Variants in ELAPOR2 observed in about 807,000 individuals in gnomAD.
ELAPOR2 encodes the protein endosome/lysosome-associated apoptosis and autophagy regulator family member 2.
ELAPOR2 carries 89 observed loss-of-function variants against 120.7 expected under a neutral mutation model. That is an observed-to-expected ratio of 0.74 (90% confidence interval 0.62 to 0.88). The LOEUF is 0.88. Ranked by LOEUF, ELAPOR2 falls within the 40% of genes least tolerant of loss-of-function variation. ELAPOR2 has a pLI of 0.00. For missense variants in ELAPOR2, 1,134 were observed against 1,251.6 expected, an observed-to-expected ratio of 0.91 and a Z score of 1.42; for synonymous variants, 444 against 444.9, an observed-to-expected ratio of 1.00 and a Z score of 0.03.
In ELAPOR2 at chr7:87,049,384, C is replaced by T. The variant is rs1246708529; in HGVS notation, c.189+9941G>A. On this transcript the variant is annotated intron_variant, in intron 1 of 21. Transcript: ENST00000450689. Reference sequence around the variant, plus strand: ...GCAAGCTCCGCCTCCCGGGTTCACGCCATTCTCCTGCCTCAGCCTCCCGAG... The same window carrying T: ...GCAAGCTCCGCCTCCCGGGTTCACGTCATTCTCCTGCCTCAGCCTCCCGAG... Among the ~76,000 whole-genome samples the T allele has an allele frequency of 2.0e-5, 3 of 152,186 alleles. No homozygotes were observed. The East Asian group carries it at 5.8e-4, about 29-fold the overall frequency.
At chr7:86,965,074 A>G in intron 1 of ELAPOR2, 50 bp from the exon 2 acceptor site, 1 of 1,544,562 alleles carries the variant, frequency 6.5e-7, no homozygotes, top group Non-Finnish European at 8.8e-7. Flanking sequence ...TTCTAACGGG[A>G]CAACTGTGCT....
At chr7:86,963,012 C>A (rs544823851) in intron 2 of ELAPOR2, among the ~76,000 whole-genome samples, 1 of 152,096 alleles carries the variant, frequency 6.6e-6, no homozygotes, top group African/African-American at 2.4e-5. Flanking sequence ...AAGGCCAGAT[C>A]GACAAATTCC....
At chr7:86,997,447 A>G (rs1767737) in intron 1 of ELAPOR2, among the ~76,000 whole-genome samples, 57,488 of 151,966 alleles carry the variant, frequency 0.38, 11,727 homozygotes, top group African/African-American at 0.53. Flanking sequence ...AGACCTAAAG[A>G]GCCCCAGGAA....
chr7:86,922,836 G>A (rs924302780), intron 10 of ELAPOR2, among the ~76,000 whole-genome samples: 1 of 151,488 alleles, frequency 6.6e-6, no homozygotes, highest in Admixed American at 6.6e-5. Flanking sequence ...TTCTAAAAAG[G>A]AATACCAATA....
chr7:86,877,578 A>T lies in ELAPOR2; in HGVS notation c.*2893T>A, dbSNP rs1799215625. ...ATTTATTTCTATGAGGAAGAGAGAA[A>T]TTATGTACACATTAGCCTCCCATTA... On this transcript the variant is annotated 3_prime_UTR_variant, in exon 22 of 22. Transcript: ENST00000450689. 1 of 152,174 alleles carries T rather than the reference A, an allele frequency of 6.6e-6. No homozygotes were observed. The highest frequency in any genetic ancestry group is 6.6e-5 in the Admixed American group (1 of 15,254). The allele number at this position is 152,174 out of a possible 1,614,324, so 9.4% of individuals were successfully genotyped here.
At chr7:87,010,336 G>A (rs1793614982) in intron 1 of ELAPOR2, among the ~76,000 whole-genome samples, 2 of 152,154 alleles carry the variant, frequency 1.3e-5, no homozygotes, top group African/African-American at 4.8e-5. Flanking sequence ...TCCAACGTAG[G>A]AAGTGAAAAT....
In ELAPOR2 at chr7:86,905,273, CTT is replaced by C. The variant is rs61483966; in HGVS notation, c.2558+2395_2558+2396del. Among the ~76,000 whole-genome samples, 45 of 141,722 alleles carry C rather than the reference CTT, an allele frequency of 3.2e-4. 1 individual carries two copies. The highest frequency in any genetic ancestry group is 1.1e-3 in the African/African-American group (41 of 38,940). The allele number at this position is 141,722 out of a possible 152,430, so 93.0% of individuals were successfully genotyped here. ...AGCCTGAGAAACTGGGCTATGTTGACTTTTTTTTTTTTTCTGTCAGTAGGAAA... is the reference window on the plus strand; with the variant it reads ...AGCCTGAGAAACTGGGCTATGTTGACTTTTTTTTTTTCTGTCAGTAGGAAA... On this transcript the variant is annotated intron_variant, in intron 18 of 21. Transcript: ENST00000450689.
chr7:86,968,519 C>T (rs1791995563), intron 1 of ELAPOR2, among the ~76,000 whole-genome samples: 1 of 152,120 alleles, frequency 6.6e-6, no homozygotes, highest in African/African-American at 2.4e-5. Flanking sequence ...GGATAAAATA[C>T]ATTTTCATTT....
chr7:86,894,987 G>A (rs1219306359), intron 19 of ELAPOR2, among the ~76,000 whole-genome samples: 2 of 151,972 alleles, frequency 1.3e-5, no homozygotes, highest in Admixed American at 1.3e-4. Flanking sequence ...TGGAGGACTT[G>A]TATAAATTTA....
chr7:86,912,037 T>C (rs1317777260), intron 15 of ELAPOR2, 35 bp downstream of exon 15: 1 of 1,573,356 alleles, frequency 6.4e-7, no homozygotes, highest in African/African-American at 1.4e-5. Context: ...GGAGCTGAAA[T>C]ATAGGTCCAT....
chr7:86,960,101 A>G (rs1791644583), intron 2 of ELAPOR2, among the ~76,000 whole-genome samples: 1 of 152,208 alleles, frequency 6.6e-6, no homozygotes, highest in Non-Finnish European at 1.5e-5. Flanking sequence ...TAAATTTGTT[A>G]AGAATCATTT....
At chr7:86,917,295 T>C (rs775810659) in intron 12 of ELAPOR2, among the ~76,000 whole-genome samples, 5 of 152,032 alleles carry the variant, frequency 3.3e-5, no homozygotes, top group Non-Finnish European at 7.4e-5. Flanking sequence ...GGGGCATGCC[T>C]GTAAATCCAG....
chr7:86,939,605 A>C (rs1229005259), intron 6 of ELAPOR2, among the ~76,000 whole-genome samples: 1 of 152,120 alleles, frequency 6.6e-6, no homozygotes, highest in Non-Finnish European at 1.5e-5. Context: ...AGGTTTAGGA[A>C]AGAGTCAGGT....
chr7:87,032,149 A>G (rs540066569), intron 1 of ELAPOR2, among the ~76,000 whole-genome samples: 81 of 152,304 alleles, frequency 5.3e-4, no homozygotes, highest in African/African-American at 1.9e-3. Context: ...TGATCAATTT[A>G]TATACTTCAA....
At chr7:87,043,628 A>C (rs537890695) in intron 1 of ELAPOR2, among the ~76,000 whole-genome samples, 2,674 of 146,600 alleles carry the variant, frequency 0.018, 42 homozygotes, top group Non-Finnish European at 0.032. Context: ...AATAAGAGCT[A>C]TCTATGACAA....
chr7:87,057,614 T>A (rs151186541), intron 1 of ELAPOR2, among the ~76,000 whole-genome samples: 188 of 152,342 alleles, frequency 1.2e-3, no homozygotes, highest in Admixed American at 2.2e-3. Flanking sequence ...TAAGGACCTG[T>A]GATCAAGTGA....
chr7:87,018,819 C>T (rs1240661196), intron 1 of ELAPOR2, among the ~76,000 whole-genome samples: 1 of 152,202 alleles, frequency 6.6e-6, no homozygotes, highest in Non-Finnish European at 1.5e-5. Flanking sequence ...ACTTAGTGTA[C>T]TAGTAGCCTT....
chr7:86,998,884 A>T (rs561512421), intron 1 of ELAPOR2, among the ~76,000 whole-genome samples: 1 of 151,420 alleles, frequency 6.6e-6, no homozygotes, highest in Non-Finnish European at 1.5e-5. Flanking sequence ...AGAAACTGTA[A>T]TGCCTCGTAT....
chr7:86,980,206 A>C (rs1792419321), intron 1 of ELAPOR2, among the ~76,000 whole-genome samples: 1 of 152,246 alleles, frequency 6.6e-6, no homozygotes, highest in Non-Finnish European at 1.5e-5. Context: ...TTTTAGAATA[A>C]ATAGTGCCTT....
Sources: allele counts gnomAD v4.1 joint callset (sites outside exome capture counted in the v4.1 genomes callset), GRCh38; gene constraint gnomAD v4.1.1; transcripts MANE v1.5; gene names NCBI Gene and HGNC (gene_info 2026-07-23, HGNC 2026-07-21).